The following SNTB2 variants were observed in gnomAD, a reference collection of about 807,000 sequenced individuals.
SNTB2 encodes the protein syntrophin beta 2, also known as beta-2-syntrophin.
Under a neutral mutation model 46.2 loss-of-function variants are expected in SNTB2, and 34 were observed. That is an observed-to-expected ratio of 0.74 (90% CI 0.56 to 0.98). The LOEUF is 0.98. SNTB2 is among the 50% of genes least tolerant of loss of function. The probability of loss-of-function intolerance (pLI) is 0.00; values close to 1 mark genes in which losing one functional copy is unlikely to be tolerated. For missense variants in SNTB2, 603 were observed against 731.4 expected (o/e 0.82, Z 2.02); for synonymous variants, 290 against 312.6 (o/e 0.93, Z 0.76).
At chr16:69,235,879 GTTGTGTGGATGCAGTCCCA>G in intron 1 of SNTB2, 1 of 1,286,816 alleles carries the variant, frequency 7.8e-7, no homozygotes, top group Non-Finnish European at 1.0e-6. Flanking sequence ...TGTTCTTGGA[GTTGTGTGGATGCAGTCCCA>G]TTAGATATAT....
intron 1 of SNTB2, chr16:69,241,914 G>A (rs1964619980): frequency 8.1e-6 from 1 of 123,918 alleles, no homozygotes; most frequent in South Asian, 2.8e-4. Context: ...GGGTGATAGA[G>A]CCAGACCTTG....
intron 4 of SNTB2, among the ~76,000 whole-genome samples, chr16:69,274,322 A>AG: frequency 6.6e-6 from 1 of 151,242 alleles, no homozygotes; most frequent in East Asian, 2.0e-4. Flanking sequence ...AAAAAAAAAA[A>AG]AAAAGTATAA....
chr16:69,285,379 G>C (rs1965092881), intron 5 of SNTB2, among the ~76,000 whole-genome samples: 1 of 142,124 alleles, frequency 7.0e-6, no homozygotes, highest in South Asian at 2.2e-4. Context: ...TTTTTTTAGA[G>C]TGGAGATCTC....
chr16:69,216,178 A>G (rs1035359686), intron 1 of SNTB2, among the ~76,000 whole-genome samples: 1 of 152,206 alleles, frequency 6.6e-6, no homozygotes, highest in Non-Finnish European at 1.5e-5. Context: ...TAATTCATTC[A>G]GTAAACACTT....
chr16:69,243,697 A>G (rs1177914763), intron 1 of SNTB2, among the ~76,000 whole-genome samples: 1 of 152,194 alleles, frequency 6.6e-6, no homozygotes, highest in Non-Finnish European at 1.5e-5. Context: ...CAAAGCATAA[A>G]GCTGAAGTAT....
chr16:69,285,065 A>G (rs1374794597), intron 5 of SNTB2, among the ~76,000 whole-genome samples: 2 of 152,060 alleles, frequency 1.3e-5, no homozygotes, highest in African/African-American at 4.8e-5. Context: ...ATGTAAGTAC[A>G]CTCTATGATG....
At chr16:69,229,110 G>C (rs1381188616) in intron 1 of SNTB2, among the ~76,000 whole-genome samples, 1 of 152,086 alleles carries the variant, frequency 6.6e-6, no homozygotes, top group African/African-American at 2.4e-5. Context: ...ACGTTGTATT[G>C]TTTTGCTATT....
At position 69,258,679 on chromosome 16, in the gene SNTB2, T is replaced by C. The variant is rs900473057; in HGVS notation, c.795-1371T>C. Among the ~76,000 whole-genome samples, 10 of 150,576 alleles carry C rather than the reference T, an allele frequency of 6.6e-5. No homozygotes were observed. The Admixed American group carries it at 6.6e-4, about 10-fold the overall frequency. On this transcript the variant is annotated intron_variant, in intron 2 of 6. Transcript: ENST00000336278. Reference sequence around the variant, plus strand: ...CAGGCTGGAGTGCAGTGGTGCAATCTTGGCTCACTGCAACCTCCAGCTCCT... The same window carrying C: ...CAGGCTGGAGTGCAGTGGTGCAATCCTGGCTCACTGCAACCTCCAGCTCCT...
At chr16:69,296,447 G>A (rs370455851) in intron 5 of SNTB2, among the ~76,000 whole-genome samples, 36 of 151,834 alleles carry the variant, frequency 2.4e-4, no homozygotes, top group Non-Finnish European at 4.4e-4. Context: ...CAGGCCGGTC[G>A]CGGTGGCTCA....
At chr16:69,192,477 G>A (rs1403552488) in intron 1 of SNTB2, among the ~76,000 whole-genome samples, 2 of 152,180 alleles carry the variant, frequency 1.3e-5, no homozygotes, top group African/African-American at 4.8e-5. Flanking sequence ...CTTAAGCCAT[G>A]TAACTGTCTG....
At chr16:69,189,745 A>G in intron 1 of SNTB2, among the ~76,000 whole-genome samples, 1 of 152,206 alleles carries the variant, frequency 6.6e-6, no homozygotes, top group East Asian at 1.9e-4. Context: ...GCAAGACTCC[A>G]TCTCAAAAAC....
intron 3 of SNTB2, among the ~76,000 whole-genome samples, chr16:69,266,659 T>C (rs1196142836): frequency 1.3e-5 from 2 of 152,216 alleles, no homozygotes; most frequent in African/African-American, 4.8e-5. Flanking sequence ...CAAATGCTTA[T>C]ACTCTAGCCT....
chr16:69,279,515 CTTTTTTTTTTTTT>C (rs57637291), intron 4 of SNTB2, among the ~76,000 whole-genome samples: 2 of 71,734 alleles, frequency 2.8e-5, no homozygotes, highest in African/African-American at 1.4e-4. Flanking sequence ...GTCCTTTGCC[CTTTTTTTTTTTTT>C]TTTTTTTTTT....
intron 1 of SNTB2, among the ~76,000 whole-genome samples, chr16:69,222,468 C>G (rs1029451626): frequency 2.6e-5 from 4 of 151,852 alleles, no homozygotes; most frequent in Admixed American, 6.6e-5. Flanking sequence ...TGGTGTGTGC[C>G]TGTAATCCCA....
chr16:69,218,973 C>G (rs551772982), intron 1 of SNTB2, among the ~76,000 whole-genome samples: 6 of 152,260 alleles, frequency 3.9e-5, no homozygotes, highest in Admixed American at 1.3e-4. Context: ...CCAGATGCCC[C>G]TTACAGATTT....
intron 4 of SNTB2, among the ~76,000 whole-genome samples, chr16:69,273,310 C>T (rs1964955730): frequency 6.6e-6 from 1 of 152,114 alleles, no homozygotes; most frequent in Non-Finnish European, 1.5e-5. Flanking sequence ...TCACAATAGC[C>T]AAAGAGTGGA....
At chr16:69,201,722 T>C (rs1964162874) in intron 1 of SNTB2, among the ~76,000 whole-genome samples, 1 of 152,222 alleles carries the variant, frequency 6.6e-6, no homozygotes, top group South Asian at 2.1e-4. Flanking sequence ...GAAATTATTC[T>C]CAGATTGTCA....
chr16:69,246,456 G>A (rs1460056245), intron 2 of SNTB2, among the ~76,000 whole-genome samples: 3 of 149,246 alleles, frequency 2.0e-5, no homozygotes, highest in South Asian at 2.1e-4. Context: ...TGCTGGATTC[G>A]TTTTGCCAGT....
chr16:69,205,102 A>G (rs932637995), intron 1 of SNTB2, among the ~76,000 whole-genome samples: 6 of 151,932 alleles, frequency 3.9e-5, no homozygotes, highest in Non-Finnish European at 8.8e-5. Context: ...AATGTTGTGT[A>G]CTTTGTGTAC....
Sources: allele counts gnomAD v4.1 joint callset (sites outside exome capture counted in the v4.1 genomes callset), GRCh38; gene constraint gnomAD v4.1.1; transcripts MANE v1.5; gene names NCBI Gene and HGNC (gene_info 2026-07-23, HGNC 2026-07-21).